GALNT13: variants seen among roughly 807,000 people sequenced by gnomAD.
The protein encoded by GALNT13 is polypeptide N-acetylgalactosaminyltransferase 13.
GALNT13 carries 28 observed loss-of-function variants against 64.2 expected under a neutral mutation model. The ratio of observed to expected loss-of-function variants is 0.44; its 90% CI spans 0.32 to 0.60. GALNT13 has a LOEUF of 0.60. Among genes scored for constraint, GALNT13 ranks in the 20% least tolerant of loss-of-function variants. The pLI is 0.05. For synonymous variants in GALNT13, 214 were observed against 224.6 expected (o/e 0.95, Z 0.42); for missense variants, 577 against 669.8 (o/e 0.86, Z 1.53).
At chr2:153,781,666 C>T in the GALNT13 span, among the ~76,000 whole-genome samples, 4 of 151,704 alleles carry the variant, frequency 2.6e-5, no homozygotes, top group African/African-American at 9.7e-5. Flanking sequence ...AAAGATGAGG[C>T]ACTTTTTAAA....
the GALNT13 span, among the ~76,000 whole-genome samples, chr2:153,272,465 C>T: frequency 6.6e-6 from 1 of 151,594 alleles, no homozygotes; most frequent in African/African-American, 2.4e-5. Flanking sequence ...TGAACAGACA[C>T]TTCTCAAAAG....
chr2:153,947,238 G>A (rs939981764), intron 3 of GALNT13, among the ~76,000 whole-genome samples: 1 of 151,946 alleles, frequency 6.6e-6, no homozygotes, highest in African/African-American at 2.4e-5. Context: ...CCTGATGTTT[G>A]GGACATAAGG....
the GALNT13 span, among the ~76,000 whole-genome samples, chr2:153,415,000 GGTA>G: frequency 0.078 from 11,907 of 152,072 alleles, 515 homozygotes; most frequent in Middle Eastern, 0.15. Context: ...TGCTCTCCCA[GGTA>G]GTAGGAATTA....
rs186636874 is a variant in GALNT13 at position 153,899,489 on chromosome 2, T to G, written c.-176-1447T>G. Among the ~76,000 whole-genome samples, 26 of 152,344 alleles carry G rather than the reference T, an allele frequency of 1.7e-4. No individual in the cohort carries two copies. In the East Asian group the frequency reaches 4.8e-3, roughly 28 times the overall value. On this transcript the variant is annotated intron_variant, in intron 1 of 12. Coordinates refer to ENST00000392825, the MANE Select transcript of GALNT13 (RefSeq NM_052917.4). ...AAAGTTTCTTGGGCATTTCTTGATTTTTTTCCATTTAACTATAAACTTGCT... is the reference window on the plus strand; with the variant it reads ...AAAGTTTCTTGGGCATTTCTTGATTGTTTTCCATTTAACTATAAACTTGCT...
At chr2:153,614,689 T>C in the GALNT13 span, among the ~76,000 whole-genome samples, 1 of 152,152 alleles carries the variant, frequency 6.6e-6, no homozygotes. Context: ...GATTGTAGAA[T>C]TGCTATTAAT....
chr2:153,404,395 C>A, the GALNT13 span, among the ~76,000 whole-genome samples: 1 of 152,178 alleles, frequency 6.6e-6, no homozygotes, highest in Non-Finnish European at 1.5e-5. Context: ...AATGCCTGCA[C>A]TGGCCCTGGA....
chr2:154,364,896 C>G (rs1697281594), intron 9 of GALNT13, among the ~76,000 whole-genome samples: 1 of 152,182 alleles, frequency 6.6e-6, no homozygotes, highest in Admixed American at 6.5e-5. Context: ...GTCTTGAACT[C>G]CTGACCTCAA....
the GALNT13 span, among the ~76,000 whole-genome samples, chr2:153,640,772 A>G: frequency 6.6e-6 from 1 of 152,134 alleles, no homozygotes; most frequent in African/African-American, 2.4e-5. Flanking sequence ...AAAGAGTGAG[A>G]CTGTCCCAAA....
chr2:153,453,883 T>G, the GALNT13 span, among the ~76,000 whole-genome samples: 1 of 152,128 alleles, frequency 6.6e-6, no homozygotes, highest in Non-Finnish European at 1.5e-5. Context: ...CCATCAACAG[T>G]GGATTGGATG....
chr2:153,161,166 T>C, the GALNT13 span, among the ~76,000 whole-genome samples: 2 of 152,244 alleles, frequency 1.3e-5, no homozygotes, highest in Admixed American at 6.5e-5. Flanking sequence ...AATACACCGC[T>C]TATGAACTGC....
intron 8 of GALNT13, among the ~76,000 whole-genome samples, chr2:154,283,839 G>A (rs551644068): frequency 1.5e-3 from 230 of 152,262 alleles, no homozygotes; most frequent in African/African-American, 5.2e-3. Flanking sequence ...TAGGTAGATA[G>A]TAAGTTCTAT....
the GALNT13 span, among the ~76,000 whole-genome samples, chr2:153,849,683 G>A: frequency 6.6e-6 from 1 of 152,240 alleles, no homozygotes; most frequent in African/African-American, 2.4e-5. Context: ...CAGCCTCCCT[G>A]AATAGAGGAG....
chr2:154,263,085 A>C (rs1690790264), intron 8 of GALNT13, among the ~76,000 whole-genome samples: 1 of 152,080 alleles, frequency 6.6e-6, no homozygotes. Context: ...TATCCAATCA[A>C]CTCAGAGCAT....
At chr2:153,267,542 C>T in the GALNT13 span, among the ~76,000 whole-genome samples, 4 of 152,188 alleles carry the variant, frequency 2.6e-5, no homozygotes, top group Non-Finnish European at 5.9e-5. Flanking sequence ...TATCTTGGCC[C>T]CTTTTAGCCA....
the GALNT13 span, among the ~76,000 whole-genome samples, chr2:153,537,367 G>A: frequency 1.3e-5 from 2 of 152,278 alleles, no homozygotes; most frequent in South Asian, 4.2e-4. Context: ...TTGAACTAAG[G>A]TTGTAGCTGT....
chr2:153,299,888 A>G, the GALNT13 span, among the ~76,000 whole-genome samples: 8 of 152,172 alleles, frequency 5.3e-5, no homozygotes. Context: ...TTTTGTTCTC[A>G]TTCTGTCCTT....
the GALNT13 span, among the ~76,000 whole-genome samples, chr2:153,144,748 G>A: frequency 1.3e-5 from 2 of 151,926 alleles, no homozygotes; most frequent in African/African-American, 4.8e-5. Flanking sequence ...GGGAAAAGCA[G>A]TAATTAAGGC....
At chr2:153,819,187 G>A in the GALNT13 span, among the ~76,000 whole-genome samples, 1 of 152,126 alleles carries the variant, frequency 6.6e-6, no homozygotes, top group Non-Finnish European at 1.5e-5. Context: ...CTTTAAAGAA[G>A]CAGCAGTACT....
the GALNT13 span, among the ~76,000 whole-genome samples, chr2:153,102,998 T>A: frequency 6.6e-5 from 10 of 151,994 alleles, no homozygotes; most frequent in African/African-American, 2.4e-4. Flanking sequence ...CAGCCCAGGG[T>A]ATTAATGCTG....
Sources: allele counts gnomAD v4.1 joint callset (sites outside exome capture counted in the v4.1 genomes callset), GRCh38; gene constraint gnomAD v4.1.1; transcripts MANE v1.5; gene names NCBI Gene and HGNC (gene_info 2026-07-23, HGNC 2026-07-21).